Variants in NOL4 observed in about 807,000 individuals in gnomAD.
The protein encoded by NOL4 is nucleolar protein 4.
NOL4 carries 17 observed loss-of-function variants against 75.9 expected under a neutral mutation model. That is an observed-to-expected ratio of 0.22 (90% CI 0.15 to 0.34). The LOEUF (loss-of-function observed/expected upper bound fraction) is 0.34. Among genes scored for constraint, NOL4 ranks in the 10% least tolerant of loss-of-function variants. NOL4 has a pLI of 1.00. For missense variants in NOL4, 614 were observed against 793.5 expected, an observed-to-expected ratio of 0.77 and a Z score of 2.72; for synonymous variants, 292 against 289.9, an observed-to-expected ratio of 1.01 and a Z score of -0.07.
At chr18:34,140,874 C>G (rs569651154) in intron 1 of NOL4, among the ~76,000 whole-genome samples, 25 of 151,906 alleles carry the variant, frequency 1.6e-4, no homozygotes, top group African/African-American at 5.8e-4. Flanking sequence ...GGGCAGGCCT[C>G]ATGGTGACAA....
chr18:34,070,422 G>T (rs1371496425), intron 5 of NOL4, among the ~76,000 whole-genome samples: 1 of 152,158 alleles, frequency 6.6e-6, no homozygotes, highest in Non-Finnish European at 1.5e-5. Context: ...GTTATACCAA[G>T]CCCTGAATAA....
rs376259162 is a variant in NOL4, at chr18:33,956,504, G to A, written c.1428+822C>T. Among the ~76,000 whole-genome samples the A allele has an allele frequency of 9.2e-5, 14 of 152,126 alleles. No individual in the cohort carries two copies. In the South Asian group the frequency reaches 2.7e-3, roughly 29 times the overall value. Reference sequence around the variant, plus strand: ...AACACTAACAGCCTAGGCTTTTATGGCGCCTTCTCAAATAAGACAAGAAAA... The same window carrying A: ...AACACTAACAGCCTAGGCTTTTATGACGCCTTCTCAAATAAGACAAGAAAA... On this transcript the variant is annotated intron_variant, in intron 8 of 10. Transcript: ENST00000261592.
At chr18:34,139,742 G>C in intron 1 of NOL4, among the ~76,000 whole-genome samples, 1 of 152,034 alleles carries the variant, frequency 6.6e-6, no homozygotes, top group Non-Finnish European at 1.5e-5. Flanking sequence ...GTTTGCTCTT[G>C]CTTCTCTAGT....
chr18:34,091,660 G>C (rs1212779365), intron 5 of NOL4, among the ~76,000 whole-genome samples: 1 of 152,194 alleles, frequency 6.6e-6, no homozygotes, highest in East Asian at 1.9e-4. Context: ...AATCAATCGA[G>C]GCATTTTAAA....
intron 2 of NOL4, among the ~76,000 whole-genome samples, chr18:34,116,692 T>A (rs967903925): frequency 1.3e-5 from 2 of 152,132 alleles, no homozygotes; most frequent in African/African-American, 4.8e-5. Context: ...AGTTAATTAA[T>A]CAAAAAAATT....
chr18:34,132,122 C>T (rs1568377467), intron 1 of NOL4, among the ~76,000 whole-genome samples: 1 of 152,214 alleles, frequency 6.6e-6, no homozygotes, highest in Non-Finnish European at 1.5e-5. Context: ...CAGCTTGAGG[C>T]TGCATTATAT....
chr18:34,053,480 A>C (rs1479190506), intron 5 of NOL4, among the ~76,000 whole-genome samples: 5 of 152,000 alleles, frequency 3.3e-5, no homozygotes, highest in Non-Finnish European at 7.4e-5. Context: ...TATTATAAGA[A>C]CTAAAACCCA....
At chr18:33,994,530 C>A (rs1440315208) in intron 6 of NOL4, among the ~76,000 whole-genome samples, 1 of 151,624 alleles carries the variant, frequency 6.6e-6, no homozygotes, top group East Asian at 1.9e-4. Context: ...GCAATACATG[C>A]ACAAATAACC....
At chr18:33,939,180 C>G (rs564258766) in intron 9 of NOL4, among the ~76,000 whole-genome samples, 66 of 152,124 alleles carry the variant, frequency 4.3e-4, no homozygotes, top group African/African-American at 1.6e-3. Context: ...GTTACTGTAG[C>G]CTTGTAGTAT....
In NOL4 at chr18:33,907,171, A is replaced by G. The variant is rs191703531; in HGVS notation, c.1543-23747T>C. ...ACCCCGTCTCTACTAAAAATACAAAAAATTAGCTAGACGTGGTGGTTGGCA... is the reference window on the plus strand; with the variant it reads ...ACCCCGTCTCTACTAAAAATACAAAGAATTAGCTAGACGTGGTGGTTGGCA... On this transcript the variant is annotated intron_variant, in intron 9 of 10. Transcript: ENST00000261592. Among the ~76,000 whole-genome samples the G allele has an allele frequency of 2.3e-3, 343 of 152,002 alleles. 1 individual carries two copies. Among genetic ancestry groups the G allele is most frequent in the African/African-American group, 6.6e-3 (274 of 41,474 alleles).
At chr18:33,877,497 A>G (rs1452208771) in intron 10 of NOL4, among the ~76,000 whole-genome samples, 1 of 151,236 alleles carries the variant, frequency 6.6e-6, no homozygotes, top group Non-Finnish European at 1.5e-5. Context: ...CTCCAAAATC[A>G]TTATACATGA....
chr18:34,142,976 G>A (rs530377033), intron 1 of NOL4, among the ~76,000 whole-genome samples: 2 of 151,352 alleles, frequency 1.3e-5, no homozygotes, highest in Admixed American at 6.6e-5. Flanking sequence ...AAAAATGTGA[G>A]TTCTAGCTCA....
intron 1 of NOL4, among the ~76,000 whole-genome samples, chr18:34,211,908 A>C (rs1302621454): frequency 6.6e-6 from 1 of 152,190 alleles, no homozygotes; most frequent in Non-Finnish European, 1.5e-5. Context: ...CCCAAATGTT[A>C]GGTAGATCTT....
intron 6 of NOL4, among the ~76,000 whole-genome samples, chr18:33,993,081 A>C (rs1005400848): frequency 2.0e-5 from 3 of 151,984 alleles, no homozygotes; most frequent in Non-Finnish European, 4.4e-5. Flanking sequence ...AGAACAAGGA[A>C]AGAGACAATT....
chr18:34,097,587 C>A (rs2078847675), intron 4 of NOL4, among the ~76,000 whole-genome samples: 1 of 152,116 alleles, frequency 6.6e-6, no homozygotes, highest in Non-Finnish European at 1.5e-5. Flanking sequence ...GGCTGTTGAA[C>A]ATTTGAAATG....
intron 1 of NOL4, among the ~76,000 whole-genome samples, chr18:34,197,566 T>G (rs2146454161): frequency 6.6e-6 from 1 of 152,128 alleles, no homozygotes; most frequent in East Asian, 1.9e-4. Flanking sequence ...ATTACAGGAT[T>G]TAATCAAATA....
At chr18:34,015,968 T>G (rs762994191) in intron 6 of NOL4, among the ~76,000 whole-genome samples, 2 of 152,084 alleles carry the variant, frequency 1.3e-5, no homozygotes, top group Non-Finnish European at 1.5e-5. Flanking sequence ...ATGGACGAGA[T>G]AGTAAGCCAG....
chr18:34,081,652 T>C lies in NOL4; in HGVS notation c.772+11813A>G, dbSNP rs148237475. ...GGTCATGAATGAAGAGTGTTTTTCTTTTCCTTCCATCATAGCTTGGTCTTA... is the reference window on the plus strand; with the variant it reads ...GGTCATGAATGAAGAGTGTTTTTCTCTTCCTTCCATCATAGCTTGGTCTTA... On this transcript the variant is annotated intron_variant, in intron 5 of 10. Transcript: ENST00000261592. 2.3e-3 allele frequency among the ~76,000 whole-genome samples: 356 copies of C among 152,282 alleles called. 1 individual carries two copies. The highest frequency in any genetic ancestry group is 4.0e-3 in the Non-Finnish European group (269 of 68,012).
At chr18:34,013,943 A>T (rs1203369888) in intron 6 of NOL4, among the ~76,000 whole-genome samples, 2 of 151,966 alleles carry the variant, frequency 1.3e-5, no homozygotes, top group African/African-American at 4.8e-5. Flanking sequence ...GGCCAAATAA[A>T]TGTATAACAC....
Sources: gnomAD v4.1 joint callset for allele counts (sites outside exome capture counted in the v4.1 genomes callset) on GRCh38, gnomAD v4.1.1 for gene constraint, MANE v1.5 for transcripts, NCBI Gene and HGNC (gene_info 2026-07-23, HGNC 2026-07-21) for gene names.